The following LRPAP1 variants were observed in gnomAD, a reference collection of about 807,000 sequenced individuals.
LRPAP1 encodes the protein alpha-2-macroglobulin receptor-associated protein.
LRPAP1 carries 41 observed loss-of-function variants against 39.9 expected under a neutral mutation model. That is an observed-to-expected ratio of 1.03 (90% CI 0.80 to 1.33). The LOEUF (loss-of-function observed/expected upper bound fraction) is 1.33, where lower values mean the gene tolerates loss of function less well. LRPAP1 is among the 40% of genes most tolerant of loss of function. The pLI, the probability that LRPAP1 is intolerant of heterozygous loss-of-function variation, is 0.00. For missense variants in LRPAP1, 565 were observed against 482.3 expected (o/e 1.17, Z -1.61); for synonymous variants, 263 against 212.7 (o/e 1.24, Z -2.06).
In LRPAP1 at chr4:3,525,049, C is replaced by T. The variant is rs200867938; in HGVS notation, c.207G>A (p.Leu69=). The T allele has an allele frequency of 7.2e-5, 116 of 1,613,922 alleles. No individual in the cohort carries two copies. In the African/African-American group the frequency reaches 1.4e-3, roughly 19 times the overall value. ...LNQLWEKAQR[L]HLPPVRLAEL... ...CGGCCAGCCTCACGGGAGGAAGATG[C>T]AGCTGCGAACGAAGGGGAGGAGCCT... is the stretch of plus-strand genomic sequence containing the variant. Residue 69 remains leucine, a splice_region_variant and synonymous_variant, in exon 2 of 8, where the codon CTG becomes CTA. Coordinates refer to ENST00000650182, the MANE Select transcript of LRPAP1 (RefSeq NM_002337.4).
chr4:3,518,880 TGCTCA>T lies in LRPAP1; in HGVS notation c.578_582del (p.Leu193GlnfsTer11), dbSNP rs773788109. On this transcript the variant is annotated frameshift_variant, in exon 4 of 8. Transcript: ENST00000650182. LOFTEE classifies it high-confidence loss of function. ...TGGGGGCGGGGGGCACCTTCGGTCC[TGCTCA>T]GGGTCTCCAGCAGGACGTTGTACTC... 1 of 1,605,346 alleles carries T rather than the reference TGCTCA, an allele frequency of 6.2e-7. No homozygotes were observed. Among genetic ancestry groups the T allele is most frequent in the South Asian group, 1.1e-5 (1 of 89,778 alleles).
At chr4:3,525,092 C>G (rs374364676) in intron 1 of LRPAP1, 41 bp from the exon 2 acceptor site, 1 of 1,610,496 alleles carries the variant, frequency 6.2e-7, no homozygotes, top group Admixed American at 1.7e-5. Flanking sequence ...ACGAGCAGGA[C>G]GGACCAGGAC....
intron 2 of LRPAP1, among the ~76,000 whole-genome samples, chr4:3,522,692 A>AAGTGG (rs1729954085): frequency 1.5e-5 from 1 of 67,180 alleles, no homozygotes; most frequent in Non-Finnish European, 3.3e-5. Context: ...CCTGGGGAGG[A>AAGTGG]CAGACGCCGC....
intron 4 of LRPAP1, among the ~76,000 whole-genome samples, chr4:3,518,665 C>G (rs1470786446): frequency 6.6e-6 from 1 of 151,982 alleles, no homozygotes; most frequent in Non-Finnish European, 1.5e-5. Flanking sequence ...AGGCAGGCGA[C>G]TCCCAGAGCC....
At chr4:3,531,926 C>A in intron 1 of LRPAP1, 1 of 527,804 alleles carries the variant, frequency 1.9e-6, no homozygotes. Context: ...ACGCTCGGGT[C>A]AGCAGGCCGC....
chr4:3,529,937 C>A (rs530424218), intron 1 of LRPAP1, among the ~76,000 whole-genome samples: 1 of 152,194 alleles, frequency 6.6e-6, no homozygotes, highest in Non-Finnish European at 1.5e-5. Flanking sequence ...GAGCGCAGGT[C>A]GCAGGAGGCT....
intron 2 of LRPAP1, 29 bp downstream of exon 2, chr4:3,524,878 G>C (rs1187283119): frequency 1.2e-6 from 2 of 1,608,538 alleles, no homozygotes; most frequent in Non-Finnish European, 1.7e-6. Flanking sequence ...AGGGATACTC[G>C]ACCTGCATTA....
Position 3,520,126 on chromosome 4 carries a change from A to G in LRPAP1, c.417T>C (p.Ser139=). ...CATCCAGCCCGTCTTCCTGGGTGCC[A>G]CTGAGGGAGTTGCTGGTCACCTGCC... is the stretch of plus-strand genomic sequence containing the variant. The part of the protein sequence containing the change: ...DARQVTSNSL[S]GTQEDGLDDP... The change falls in exon 3 of 8, where the codon AGT becomes AGC. Residue 139 remains serine, a synonymous_variant. Transcript: ENST00000650182. 2 of 1,614,170 alleles carry G rather than the reference A, an allele frequency of 1.2e-6. No homozygotes were observed. Among genetic ancestry groups the G allele is most frequent in the Non-Finnish European group, 1.7e-6 (2 of 1,180,022 alleles).
At chr4:3,529,273 A>C (rs1386896460) in intron 1 of LRPAP1, among the ~76,000 whole-genome samples, 1 of 152,094 alleles carries the variant, frequency 6.6e-6, no homozygotes, top group Non-Finnish European at 1.5e-5. Flanking sequence ...CAGTGAGCCG[A>C]GATCACGCCA....
At chr4:3,531,384 T>C (rs1342257971) in intron 1 of LRPAP1, among the ~76,000 whole-genome samples, 2 of 149,804 alleles carry the variant, frequency 1.3e-5, no homozygotes, top group East Asian at 2.1e-4. Context: ...AACTGGACTA[T>C]TGAGACAGAG....
In LRPAP1 at chr4:3,526,563, C is replaced by T. The variant is rs145677700; in HGVS notation, c.205-1512G>A. 2.8e-3 allele frequency among the ~76,000 whole-genome samples: 427 copies of T among 152,366 alleles called. 2 individuals are homozygous for T. Among genetic ancestry groups the T allele is most frequent in the African/African-American group, 9.4e-3 (392 of 41,590 alleles). ...GCTGCCTTCCCAGTGTCCCGCAGCC[C>T]GCGCCGCCTTGTGGCCCACACTGCC... On this transcript the variant is annotated intron_variant, in intron 1 of 7. Transcript: ENST00000650182.
Position 3,515,070 on chromosome 4 carries a change from GGGC to G in LRPAP1, c.835-145_835-143del, listed in dbSNP as rs1217619193. On this transcript the variant is annotated intron_variant, in intron 6 of 7. Transcript: ENST00000650182. Reference sequence around the variant, plus strand: ...CCTTGCGGTGACATGGGCAATGAGGGGGCGGCAGCTGGGAGGCCATCACACTAG... The same window carrying G: ...CCTTGCGGTGACATGGGCAATGAGGGGGCAGCTGGGAGGCCATCACACTAG... 84 of 909,688 alleles carry G rather than the reference GGGC, an allele frequency of 9.2e-5. No homozygotes were observed. In the East Asian group the frequency reaches 2.1e-3, roughly 22 times the overall value. The allele number at this position is 909,688 out of a possible 1,614,324, so 56.4% of individuals were successfully genotyped here. A position where few individuals can be genotyped will look rare whatever the true frequency, so the allele number is the denominator to read the frequency against.
intron 2 of LRPAP1, 147 bp from the exon 3 acceptor site, chr4:3,520,340 G>A: frequency 1.3e-6 from 1 of 746,942 alleles, no homozygotes. Flanking sequence ...ATGACCACTG[G>A]AGATCTGGGG....
In LRPAP1 at chr4:3,518,056, G is replaced by A. The variant is rs200151667; in HGVS notation, c.729C>T (p.His243=). Residue 243 remains histidine (H), a synonymous_variant, in exon 5 of 8, where the codon CAC becomes CAT. Transcript: ENST00000650182. ...CACCAGCCTCAGTGCTGTAGCCCTGGTGGCTGACCCTGCGCAGGCGGTCCA... is the reference window on the plus strand; with the variant it reads ...CACCAGCCTCAGTGCTGTAGCCCTGATGGCTGACCCTGCGCAGGCGGTCCA... ...QGLDRLRRVS[H]QGYSTEAEFE... 517 of 1,611,108 alleles carry A rather than the reference G, an allele frequency of 3.2e-4. 2 individuals are homozygous for A. The highest frequency in any genetic ancestry group is 1.6e-5 in the Non-Finnish European group (19 of 1,179,586).
Position 3,505,244 on chromosome 4 carries a change from C to T in LRPAP1, c.*7730G>A, listed in dbSNP as rs1441627262. Among the ~76,000 whole-genome samples the T allele has an allele frequency of 6.6e-6, 1 of 152,210 alleles. No homozygotes were observed. Among genetic ancestry groups the T allele is most frequent in the African/African-American group, 2.4e-5 (1 of 41,456 alleles). On this transcript the variant is annotated 3_prime_UTR_variant, in exon 8 of 8. Transcript: ENST00000650182. ...TCTTCAGCCCCAGCCCCTGGTGTCCCGCAGCGGCTGCGGTGGCAGTGGTGG... is the reference window on the plus strand; with the variant it reads ...TCTTCAGCCCCAGCCCCTGGTGTCCTGCAGCGGCTGCGGTGGCAGTGGTGG...
At chr4:3,531,243 CCCACGCA>C (rs1319451568) in intron 1 of LRPAP1, among the ~76,000 whole-genome samples, 8 of 152,174 alleles carry the variant, frequency 5.3e-5, no homozygotes, top group Non-Finnish European at 8.8e-5. Context: ...AATCCCCATC[CCCACGCA>C]GTCTTATAAC....
chr4:3,516,181 C>A lies in LRPAP1; in HGVS notation c.769G>T (p.Val257Leu), dbSNP rs1425108499. ...STEAEFEEPR[V>L]IDLWDLAQSA... Reference sequence around the variant, plus strand: ...TGCGCCAGGTCCCACAGGTCAATCACCCTGGGCTCCTCGAACTCTGCAGGG... The same window carrying A: ...TGCGCCAGGTCCCACAGGTCAATCAACCTGGGCTCCTCGAACTCTGCAGGG... Residue 257 changes from valine to leucine, a missense_variant, in exon 6 of 8, where the codon GTG becomes TTG. Transcript: ENST00000650182. The A allele has an allele frequency of 1.9e-6, 3 of 1,577,444 alleles. No homozygotes were observed. The highest frequency in any genetic ancestry group is 2.6e-6 in the Non-Finnish European group (3 of 1,161,930).
intron 6 of LRPAP1, among the ~76,000 whole-genome samples, chr4:3,515,131 C>A (rs1729654105): frequency 6.6e-6 from 1 of 152,184 alleles, no homozygotes; most frequent in South Asian, 2.1e-4. Flanking sequence ...CCTTGGCAGC[C>A]CTAAGCCGAC....
rs201485938 is a variant in LRPAP1 at position 3,524,927 on chromosome 4, C to T, written c.329G>A (p.Arg110Lys). The change falls in exon 2 of 8, where the codon AGA becomes AAA. Residue 110 changes from arginine (R) to lysine (K), a missense_variant. Coordinates refer to ENST00000650182, the MANE Select transcript of LRPAP1 (RefSeq NM_002337.4). Reference protein sequence around the residue: ...GLDEDGEKEARLIRNLNVILA... With the variant: ...GLDEDGEKEAKLIRNLNVILA... ...CGTACCATTGAGGTTGCGTATGAGTCTCGCTTCCTTCTCCCCATCTTCGTC... is the reference window on the plus strand; with the variant it reads ...CGTACCATTGAGGTTGCGTATGAGTTTCGCTTCCTTCTCCCCATCTTCGTC... 2.5e-6 allele frequency: 4 copies of T among 1,614,116 alleles called. No homozygotes were observed. The Admixed American group carries it at 6.7e-5, about 27-fold the overall frequency.
Sources: gnomAD v4.1 joint callset for allele counts (sites outside exome capture counted in the v4.1 genomes callset) on GRCh38, gnomAD v4.1.1 for gene constraint, MANE v1.5 for transcripts, NCBI Gene and HGNC (gene_info 2026-07-23, HGNC 2026-07-21) for gene names.